Variants in MAF observed in about 807,000 individuals in gnomAD.
MAF encodes MAF bZIP transcription factor.
Under a neutral mutation model 22.0 loss-of-function variants are expected in MAF, and 10 were observed. The observed-to-expected ratio is 0.45, with a 90% CI of 0.28 to 0.77. MAF has a LOEUF of 0.77. MAF is among the 30% of genes least tolerant of loss of function. MAF has a pLI of 0.12. For synonymous variants in MAF, 337 were observed against 255.8 expected (o/e 1.32, Z -3.03); for missense variants, 544 against 548.4 (o/e 0.99, Z 0.08).
At chr16:79,523,541 G>C in the MAF span, among the ~76,000 whole-genome samples, 12 of 152,204 alleles carry the variant, frequency 7.9e-5, no homozygotes, top group Admixed American at 6.5e-4. Context: ...ACTTTGCTGA[G>C]TGATACAACT....
At chr16:79,521,380 A>T in the MAF span, among the ~76,000 whole-genome samples, 5 of 152,240 alleles carry the variant, frequency 3.3e-5, no homozygotes, top group Non-Finnish European at 7.3e-5. Context: ...TTGATCTTTA[A>T]AAAGGAAAAA....
the MAF span, among the ~76,000 whole-genome samples, chr16:79,392,181 A>G: frequency 2.7e-5 from 4 of 148,816 alleles, no homozygotes; most frequent in African/African-American, 9.9e-5. Context: ...GGAAGAAGGA[A>G]GAGAAGAAGG....
the MAF span, among the ~76,000 whole-genome samples, chr16:79,380,628 G>A: frequency 6.6e-6 from 1 of 152,108 alleles, no homozygotes; most frequent in Non-Finnish European, 1.5e-5. Context: ...AGTGTGCCTG[G>A]AACTGAATAA....
the MAF span, among the ~76,000 whole-genome samples, chr16:79,348,560 G>A: frequency 6.6e-6 from 1 of 152,164 alleles, no homozygotes; most frequent in African/African-American, 2.4e-5. Flanking sequence ...AACCTGAAGG[G>A]GAAAAGAGGA....
chr16:79,225,419 A>C, the MAF span, among the ~76,000 whole-genome samples: 1 of 152,140 alleles, frequency 6.6e-6, no homozygotes, highest in Non-Finnish European at 1.5e-5. Flanking sequence ...CTAGAAGAAA[A>C]CCTAGGCAAC....
the MAF span, among the ~76,000 whole-genome samples, chr16:79,234,146 C>T: frequency 2.0e-5 from 3 of 152,056 alleles, no homozygotes; most frequent in African/African-American, 7.2e-5. Flanking sequence ...GCCAGTGGCC[C>T]TTTTCACACT....
chr16:79,233,955 G>A, the MAF span, among the ~76,000 whole-genome samples: 1 of 149,724 alleles, frequency 6.7e-6, no homozygotes, highest in African/African-American at 2.5e-5. Context: ...TCACTCAACT[G>A]CACTCCAGTC....
At chr16:79,482,950 CT>C in the MAF span, among the ~76,000 whole-genome samples, 1 of 79,322 alleles carries the variant, frequency 1.3e-5, no homozygotes, top group East Asian at 4.7e-4. Context: ...CCTTCCCTAT[CT>C]CCCTCCCTCC....
At chr16:79,495,382 G>C in the MAF span, among the ~76,000 whole-genome samples, 1 of 152,112 alleles carries the variant, frequency 6.6e-6, no homozygotes, top group Non-Finnish European at 1.5e-5. Context: ...AGGATCACTT[G>C]AGCCCAGGAG....
chr16:79,436,426 G>C, the MAF span, among the ~76,000 whole-genome samples: 1 of 152,182 alleles, frequency 6.6e-6, no homozygotes, highest in Non-Finnish European at 1.5e-5. Flanking sequence ...AACAACATTT[G>C]CAAAACACCT....
chr16:79,494,787 C>T, the MAF span, among the ~76,000 whole-genome samples: 1 of 152,102 alleles, frequency 6.6e-6, no homozygotes, highest in African/African-American at 2.4e-5. Context: ...GAGACTGGTC[C>T]CATTTCAGAC....
At chr16:79,331,374 A>C in the MAF span, among the ~76,000 whole-genome samples, 1 of 152,348 alleles carries the variant, frequency 6.6e-6, no homozygotes, top group African/African-American at 2.4e-5. Context: ...CGCTTAGGGC[A>C]TCAGAGTCAT....
At chr16:79,321,785 C>T in the MAF span, among the ~76,000 whole-genome samples, 14 of 151,498 alleles carry the variant, frequency 9.2e-5, no homozygotes, top group Non-Finnish European at 1.6e-4. Flanking sequence ...CTAGTAGCTG[C>T]GACTACAGGT....
the MAF span, among the ~76,000 whole-genome samples, chr16:79,207,114 G>A: frequency 6.6e-6 from 1 of 152,094 alleles, no homozygotes; most frequent in African/African-American, 2.4e-5. Context: ...CGTGTAGACG[G>A]CCATCTATTC....
the MAF span, among the ~76,000 whole-genome samples, chr16:79,281,224 G>GAAAAAA: frequency 7.0e-6 from 1 of 143,052 alleles, no homozygotes. Context: ...GTTTCAATAT[G>GAAAAAA]AAAAAAAAAA....
At chr16:79,232,142 C>T in the MAF span, among the ~76,000 whole-genome samples, 6 of 152,026 alleles carry the variant, frequency 3.9e-5, no homozygotes, top group Admixed American at 1.3e-4. Context: ...CCTCTTACTG[C>T]GCATTCCAGT....
At chr16:79,501,179 C>T in the MAF span, among the ~76,000 whole-genome samples, 2 of 152,148 alleles carry the variant, frequency 1.3e-5, no homozygotes, top group Non-Finnish European at 2.9e-5. Flanking sequence ...CTGGTGACTG[C>T]CAGCAAGTCT....
chr16:79,365,109 G>T, the MAF span, among the ~76,000 whole-genome samples: 2 of 152,140 alleles, frequency 1.3e-5, no homozygotes, highest in Non-Finnish European at 2.9e-5. Context: ...CATTGAGTTG[G>T]GTTTTGGGTT....
the MAF span, among the ~76,000 whole-genome samples, chr16:79,220,207 G>A: frequency 7.0e-6 from 1 of 141,988 alleles, no homozygotes; most frequent in Admixed American, 7.6e-5. Context: ...TGTGAGCTCA[G>A]ATGGTGCCAA....
Sources: allele counts gnomAD v4.1 joint callset (sites outside exome capture counted in the v4.1 genomes callset), GRCh38; gene constraint gnomAD v4.1.1; transcripts MANE v1.5; gene names NCBI Gene and HGNC (gene_info 2026-07-23, HGNC 2026-07-21).